Variants in TNR observed in about 807,000 individuals in gnomAD.
The protein encoded by TNR is tenascin R, also known as tenascin-R.
In TNR, 45 loss-of-function variants were observed where a neutral mutation model predicts 150.4. That is an observed-to-expected ratio of 0.30 (90% CI 0.24 to 0.38). TNR has a LOEUF of 0.38. Among genes scored for constraint, TNR ranks in the 10% least tolerant of loss-of-function variants. The probability of loss-of-function intolerance (pLI) is 1.00; values close to 1 mark genes in which losing one functional copy is unlikely to be tolerated. For synonymous variants in TNR, 687 were observed against 678.4 expected (o/e 1.01, Z -0.20); for missense variants, 1,544 against 1,759.1 (o/e 0.88, Z 2.19).
At chr1:175,691,004 T>C (rs1329701872) in intron 1 of TNR, among the ~76,000 whole-genome samples, 1 of 152,206 alleles carries the variant, frequency 6.6e-6, no homozygotes, top group African/African-American at 2.4e-5. Context: ...TAAAATGGAC[T>C]GTTGGATGAA....
At chr1:175,392,761 A>C (rs1304719493) in intron 6 of TNR, among the ~76,000 whole-genome samples, 1 of 152,144 alleles carries the variant, frequency 6.6e-6, no homozygotes, top group Non-Finnish European at 1.5e-5. Context: ...GGACCCAGGT[A>C]CTCGTTTTAA....
At chr1:175,500,931 G>A (rs1440325394) in intron 2 of TNR, among the ~76,000 whole-genome samples, 1 of 152,200 alleles carries the variant, frequency 6.6e-6, no homozygotes, top group Non-Finnish European at 1.5e-5. Context: ...GAATGGCAAT[G>A]GGCTTGTGCT....
chr1:175,456,421 A>T (rs1225295062), intron 2 of TNR, among the ~76,000 whole-genome samples: 1 of 152,228 alleles, frequency 6.6e-6, no homozygotes, highest in Non-Finnish European at 1.5e-5. Flanking sequence ...TCCCGTCACT[A>T]CAATGCAAGT....
intron 1 of TNR, among the ~76,000 whole-genome samples, chr1:175,579,836 G>A (rs1305439613): frequency 6.6e-6 from 1 of 151,936 alleles, no homozygotes; most frequent in East Asian, 1.9e-4. Context: ...TGATCCCCAG[G>A]CAGGTCCTGC....
intron 1 of TNR, among the ~76,000 whole-genome samples, chr1:175,674,806 C>A (rs1271138174): frequency 6.6e-6 from 1 of 152,134 alleles, no homozygotes; most frequent in East Asian, 1.9e-4. Context: ...AGGAGAGGAC[C>A]AGGCCCCCCA....
At chr1:175,521,248 C>G (rs191622402) in intron 2 of TNR, among the ~76,000 whole-genome samples, 64 of 152,298 alleles carry the variant, frequency 4.2e-4, no homozygotes, top group African/African-American at 1.5e-3. Flanking sequence ...TCTCACAGAG[C>G]CTCCTAGAAC....
chr1:175,640,088 CATAAAGCTTCTTGCAT>C (rs1664606740), intron 1 of TNR, among the ~76,000 whole-genome samples: 1 of 152,194 alleles, frequency 6.6e-6, no homozygotes, highest in African/African-American at 2.4e-5. Context: ...AAATCAGTTA[CATAAAGCTTCTTGCAT>C]ATTTGGAAGG....
At position 175,365,054 on chromosome 1, in the gene TNR, T is replaced by C; in HGVS notation, c.2543A>G (p.His848Arg). The change falls in exon 12 of 23, where the codon CAT becomes CGT. Residue 848 changes from histidine to arginine, a missense_variant. His to Arg is a conservative substitution (Grantham distance 29, BLOSUM62 0). Coordinates refer to ENST00000367674, the MANE Select transcript of TNR (RefSeq NM_003285.3). ...AATGGGCTCAGAGGTCACTGTGCCA[T>C]GGACAGCCACAAGGTTCACAATATA... ...TEYIVNLVAV[H>R]GTVTSEPIVG... The C allele has an allele frequency of 6.2e-7, 1 of 1,613,916 alleles. No homozygotes were observed. Among genetic ancestry groups the C allele is most frequent in the Non-Finnish European group, 8.5e-7 (1 of 1,179,854 alleles).
At chr1:175,376,061 T>C (rs944395824) in intron 9 of TNR, among the ~76,000 whole-genome samples, 10 of 152,082 alleles carry the variant, frequency 6.6e-5, no homozygotes, top group Admixed American at 3.9e-4. Context: ...TTCTCACTCA[T>C]AGATTTCCTT....
intron 20 of TNR, 84 bp downstream of exon 20, chr1:175,335,627 A>T (rs1650203818): frequency 7.4e-7 from 1 of 1,352,278 alleles, no homozygotes; most frequent in African/African-American, 1.5e-5. Flanking sequence ...AGGGTTTCTG[A>T]TAATCTCAGA....
chr1:175,401,293 C>T (rs1484440473), intron 4 of TNR, among the ~76,000 whole-genome samples: 2 of 152,178 alleles, frequency 1.3e-5, no homozygotes, highest in East Asian at 1.9e-4. Context: ...TACTAAGAAG[C>T]ATGTGCGCTA....
intron 14 of TNR, among the ~76,000 whole-genome samples, chr1:175,359,951 G>T (rs555368860): frequency 1.3e-5 from 2 of 151,854 alleles, no homozygotes; most frequent in African/African-American, 4.8e-5. Flanking sequence ...TCCCCCAGTC[G>T]CCCCCAGCTC....
At chr1:175,332,299 G>A (rs914961731) in intron 20 of TNR, among the ~76,000 whole-genome samples, 1 of 152,140 alleles carries the variant, frequency 6.6e-6, no homozygotes, top group Non-Finnish European at 1.5e-5. Context: ...ATGCTCCCAA[G>A]CTTCCTTAGG....
chr1:175,644,167 T>C (rs1225920710), intron 1 of TNR, among the ~76,000 whole-genome samples: 1 of 152,244 alleles, frequency 6.6e-6, no homozygotes, highest in African/African-American at 2.4e-5. Context: ...AGTATTTATG[T>C]TACCCCACAG....
At chr1:175,529,626 G>A (rs1355940718) in intron 1 of TNR, among the ~76,000 whole-genome samples, 6 of 152,188 alleles carry the variant, frequency 3.9e-5, no homozygotes, top group African/African-American at 1.2e-4. Flanking sequence ...TCACCAAATG[G>A]AAGAATCGCA....
Position 175,438,804 on chromosome 1 carries a change from A to G in TNR, c.-63-32027T>C, listed in dbSNP as rs375988177. Reference sequence around the variant, plus strand: ...TACAAAGAGAATAAAATACCTAGGAATCCAACTTACAAGGGATGTGAAGGA... The same window carrying G: ...TACAAAGAGAATAAAATACCTAGGAGTCCAACTTACAAGGGATGTGAAGGA... On this transcript the variant is annotated intron_variant, in intron 2 of 22. Transcript: ENST00000367674. 4.7e-3 allele frequency among the ~76,000 whole-genome samples: 717 copies of G among 152,322 alleles called. 1 individual carries two copies. Among genetic ancestry groups the G allele is most frequent in the Non-Finnish European group, 8.0e-3 (544 of 68,026 alleles).
intron 7 of TNR, among the ~76,000 whole-genome samples, chr1:175,391,018 G>A (rs1277401166): frequency 6.6e-6 from 1 of 152,190 alleles, no homozygotes; most frequent in Non-Finnish European, 1.5e-5. Flanking sequence ...TTCTTCATGA[G>A]TAAGATCAGC....
chr1:175,331,050 T>TTTCC (rs1649781734), intron 20 of TNR, among the ~76,000 whole-genome samples: 3 of 95,808 alleles, frequency 3.1e-5, no homozygotes, highest in African/African-American at 1.2e-4. Flanking sequence ...TCTTTCTTTC[T>TTTCC]TTCTTTCTTT....
At chr1:175,566,850 T>A (rs953249911) in intron 1 of TNR, among the ~76,000 whole-genome samples, 2 of 152,224 alleles carry the variant, frequency 1.3e-5, no homozygotes, top group African/African-American at 4.8e-5. Context: ...AAATAATTCT[T>A]ATAACTTTAG....
Sources: allele counts gnomAD v4.1 joint callset (sites outside exome capture counted in the v4.1 genomes callset), GRCh38; gene constraint gnomAD v4.1.1; transcripts MANE v1.5; gene names NCBI Gene and HGNC (gene_info 2026-07-23, HGNC 2026-07-21).